RELN: variants seen among roughly 807,000 people sequenced by gnomAD.
RELN encodes the protein reelin.
A neutral mutation model predicts 427.6 loss-of-function variants in RELN; 108 were observed. The observed-to-expected ratio is 0.25, with a 90% CI of 0.22 to 0.30. The LOEUF is 0.30. RELN is among the 10% of genes least tolerant of loss of function. The probability of loss-of-function intolerance (pLI) is 1.00; values close to 1 mark genes in which losing one functional copy is unlikely to be tolerated. For synonymous variants in RELN, 1,524 were observed against 1,513.4 expected (o/e 1.01, Z -0.16); for missense variants, 3,715 against 4,302.8 (o/e 0.86, Z 3.82).
chr7:103,561,795 TCAG>T lies in RELN; in HGVS notation c.5351+15_5351+17del. The stretch of plus-strand genomic sequence containing the variant: ...TTTTGCGTTACAAAGAAAGAAACTG[TCAG>T]TTTTATTAACTTACACACAGCGTCC... On this transcript the variant is annotated intron_variant, in intron 35 of 64. Transcript: ENST00000428762. 6.2e-7 allele frequency: 1 copy of T among 1,613,900 alleles called. No homozygotes were observed. The highest frequency in any genetic ancestry group is 1.7e-5 in the Admixed American group (1 of 59,964).
chr7:103,806,417 T>G (rs1044522566), intron 3 of RELN, among the ~76,000 whole-genome samples: 2 of 152,012 alleles, frequency 1.3e-5, no homozygotes, highest in Non-Finnish European at 2.9e-5. Flanking sequence ...CTCCACCTCC[T>G]GGGTTCAAGC....
chr7:103,817,971 A>AT (rs1363557127), intron 3 of RELN, among the ~76,000 whole-genome samples: 1 of 151,338 alleles, frequency 6.6e-6, no homozygotes, highest in African/African-American at 2.4e-5. Context: ...AGAAAAGAAA[A>AT]AAAGTGAATT....
chr7:103,989,450 G>C lies in RELN; in HGVS notation c.-94C>G, dbSNP rs1797180207. 8.8e-7 allele frequency: 1 copy of C among 1,135,606 alleles called. No individual in the cohort carries two copies. The highest frequency in any genetic ancestry group is 1.2e-6 in the Non-Finnish European group (1 of 867,402). The allele number at this position is 1,135,606 out of a possible 1,614,324, so 70.3% of individuals were successfully genotyped here. A position where few individuals can be genotyped will look rare whatever the true frequency, so the allele number is the denominator to read the frequency against. On this transcript the variant is annotated 5_prime_UTR_variant, in exon 1 of 65. Transcript: ENST00000428762. The surrounding 1 kb of genome is among the most constrained non-coding windows in gnomAD (Gnocchi z 4.9). Reference sequence around the variant, plus strand: ...GGACGGAGGAGCCACGCGGAGAGAAGGCGAGAAGAAGGCGGACGGGAGCGG... The same window carrying C: ...GGACGGAGGAGCCACGCGGAGAGAACGCGAGAAGAAGGCGGACGGGAGCGG...
At chr7:103,750,295 T>C (rs1343452013) in intron 5 of RELN, among the ~76,000 whole-genome samples, 1 of 152,154 alleles carries the variant, frequency 6.6e-6, no homozygotes, top group East Asian at 1.9e-4. Context: ...GATGGTTTTA[T>C]AAGGGGCATT....
rs147455099 is a variant in RELN at position 103,817,801 on chromosome 7, G to A, written c.473+15736C>T. The stretch of plus-strand genomic sequence containing the variant: ...TTTCTACTAAAAATACAAAACTAGC[G>A]AGGCGTGGTGGTGCGTGCCTGTAGT... On this transcript the variant is annotated intron_variant, in intron 3 of 64. Coordinates refer to ENST00000428762, the MANE Select transcript of RELN (RefSeq NM_005045.4). Among the ~76,000 whole-genome samples the A allele has an allele frequency of 2.0e-3, 299 of 151,468 alleles. 3 individuals carry two copies. Among genetic ancestry groups the A allele is most frequent in the Admixed American group, 6.8e-3 (104 of 15,214 alleles).
chr7:103,943,176 A>G (rs1796150607), intron 1 of RELN, among the ~76,000 whole-genome samples: 1 of 152,162 alleles, frequency 6.6e-6, no homozygotes, highest in Non-Finnish European at 1.5e-5. Flanking sequence ...TTTCTCTCTC[A>G]AAATAGAAAA....
intron 23 of RELN, among the ~76,000 whole-genome samples, 177 bp downstream of exon 23, chr7:103,604,169 T>C (rs868489415): frequency 6.6e-6 from 1 of 152,354 alleles, no homozygotes. Context: ...TTCATACTTA[T>C]TTTAATGTAA....
At chr7:103,725,748 CAG>C (rs1790195539) in intron 7 of RELN, among the ~76,000 whole-genome samples, 1 of 152,010 alleles carries the variant, frequency 6.6e-6, no homozygotes, top group Non-Finnish European at 1.5e-5. Context: ...ACCTGAAATA[CAG>C]AGACTTCACT....
chr7:103,505,838 C>T (rs1829190990), intron 51 of RELN, among the ~76,000 whole-genome samples: 1 of 152,032 alleles, frequency 6.6e-6, no homozygotes, highest in Non-Finnish European at 1.5e-5. Context: ...CTATAAGAAC[C>T]TTGAAAAAAG....
intron 8 of RELN, among the ~76,000 whole-genome samples, chr7:103,702,698 C>A (rs1834119659): frequency 6.6e-6 from 1 of 152,168 alleles, no homozygotes; most frequent in South Asian, 2.1e-4. Flanking sequence ...TTTCTTATAT[C>A]TAAAACATTA....
At chr7:103,852,130 T>C (rs1047295665) in intron 2 of RELN, among the ~76,000 whole-genome samples, 1 of 152,226 alleles carries the variant, frequency 6.6e-6, no homozygotes, top group Non-Finnish European at 1.5e-5. Flanking sequence ...CATTTACTTC[T>C]ACTTACTTTA....
In RELN at chr7:103,495,789, G is replaced by C. The variant is rs1219767342; in HGVS notation, c.9303C>G (p.Asp3101Glu). ...GGGAGGAGAGAGCATTGTGAGTCTTGTCCTTCTTTTTATTTGGCCAATAGA... is the reference window on the plus strand; with the variant it reads ...GGGAGGAGAGAGCATTGTGAGTCTTCTCCTTCTTTTTATTTGGCCAATAGA... Reference protein sequence around the residue: ...FHLYWPNKKKDKTHNALSSRE... With the variant: ...FHLYWPNKKKEKTHNALSSRE... Residue 3101 changes from aspartate to glutamate, a missense_variant, in exon 57 of 65, where the codon GAC becomes GAG. Physicochemically the swap from Asp to Glu is conservative, Grantham distance 45. This residue lies in a region of RELN where 1,310 missense variants were observed against 1,643.0 expected (regional missense o/e 0.80). Coordinates refer to ENST00000428762, the MANE Select transcript of RELN (RefSeq NM_005045.4). The C allele has an allele frequency of 6.2e-7, 1 of 1,613,836 alleles. No individual in the cohort carries two copies. The highest frequency in any genetic ancestry group is 8.5e-7 in the Non-Finnish European group (1 of 1,179,960).
At chr7:103,847,502 A>T (rs1374129191) in intron 2 of RELN, among the ~76,000 whole-genome samples, 1 of 152,186 alleles carries the variant, frequency 6.6e-6, no homozygotes, top group Non-Finnish European at 1.5e-5. Context: ...CCACCAATGC[A>T]TGTGTACACC....
At chr7:103,765,101 A>G (rs1321295986) in intron 4 of RELN, among the ~76,000 whole-genome samples, 3 of 151,742 alleles carry the variant, frequency 2.0e-5, no homozygotes, top group Non-Finnish European at 4.4e-5. Context: ...GCTGGACTGT[A>G]AGAAGGAAAC....
chr7:103,837,606 T>C (rs1023468593), intron 2 of RELN, among the ~76,000 whole-genome samples: 1 of 152,204 alleles, frequency 6.6e-6, no homozygotes, highest in African/African-American at 2.4e-5. Flanking sequence ...TCACTTACTA[T>C]GCTAGGCCTA....
chr7:103,859,509 G>T (rs1794023141), intron 2 of RELN, among the ~76,000 whole-genome samples: 1 of 152,070 alleles, frequency 6.6e-6, no homozygotes, highest in Admixed American at 6.6e-5. Flanking sequence ...TAGCCAGGAT[G>T]GTCTCGATCT....
chr7:103,765,197 G>C (rs1791399499), intron 4 of RELN, among the ~76,000 whole-genome samples: 2 of 152,214 alleles, frequency 1.3e-5, no homozygotes. Context: ...GGAGGAGGTG[G>C]CCACTGAAGC....
chr7:103,519,956 A>G (rs1363384430), intron 48 of RELN, among the ~76,000 whole-genome samples: 1 of 152,232 alleles, frequency 6.6e-6, no homozygotes, highest in Non-Finnish European at 1.5e-5. Flanking sequence ...CCTAGTACAC[A>G]GTAGGTACCC....
intron 4 of RELN, among the ~76,000 whole-genome samples, chr7:103,773,100 T>TTCCTTCCTTCCTTTC (rs1791611584): frequency 2.0e-4 from 26 of 128,590 alleles, no homozygotes; most frequent in African/African-American, 7.7e-4. Flanking sequence ...GGTTCTCCTC[T>TTCCTTCCTTCCTTTC]TTTCTTTCTT....
Sources: allele counts gnomAD v4.1 joint callset (sites outside exome capture counted in the v4.1 genomes callset), GRCh38; gene constraint gnomAD v4.1.1; regional missense constraint gnomAD v4.1.1; non-coding constraint Gnocchi (gnomAD v3.1); transcripts MANE v1.5; gene names NCBI Gene and HGNC (gene_info 2026-07-23, HGNC 2026-07-21).